RBFOX1: variants seen among roughly 807,000 people sequenced by gnomAD.
The protein encoded by RBFOX1 is RNA binding fox-1 homolog 1.
In RBFOX1, 8 loss-of-function variants were observed where a neutral mutation model predicts 57.7. The observed-to-expected ratio is 0.14, with a 90% CI of 0.08 to 0.25. The LOEUF (loss-of-function observed/expected upper bound fraction) is 0.25, where lower values mean the gene tolerates loss of function less well. Ranked by LOEUF, RBFOX1 falls within the 10% of genes least tolerant of loss-of-function variation. RBFOX1 has a pLI of 1.00. For synonymous variants in RBFOX1, 326 were observed against 222.4 expected (o/e 1.47, Z -4.15); for missense variants, 611 against 548.5 (o/e 1.11, Z -1.14).
At chr16:7,388,963 A>G (rs1044141135) in intron 4 of RBFOX1, among the ~76,000 whole-genome samples, 4 of 152,110 alleles carry the variant, frequency 2.6e-5, no homozygotes, top group Non-Finnish European at 4.4e-5. Flanking sequence ...AGAGCTTAAT[A>G]GAGTGCCTAA....
At chr16:7,227,250 T>G (rs1269821782) in intron 4 of RBFOX1, among the ~76,000 whole-genome samples, 3 of 150,838 alleles carry the variant, frequency 2.0e-5, no homozygotes, top group Admixed American at 1.3e-4. Context: ...TGTATATCTC[T>G]CTCTGTTCTC....
chr16:7,577,062 G>T (rs1407387116), intron 5 of RBFOX1, among the ~76,000 whole-genome samples: 1 of 152,194 alleles, frequency 6.6e-6, no homozygotes, highest in Non-Finnish European at 1.5e-5. Flanking sequence ...GGGTTTCAGT[G>T]TTACAGTGTT....
At chr16:6,084,720 T>G (rs993936245) in intron 1 of RBFOX1, among the ~76,000 whole-genome samples, 1 of 152,122 alleles carries the variant, frequency 6.6e-6, no homozygotes, top group Admixed American at 6.5e-5. Flanking sequence ...AGGTCAGGCA[T>G]TCTAGGGTAT....
At chr16:7,077,793 A>T (rs2058537570) in intron 4 of RBFOX1, among the ~76,000 whole-genome samples, 1 of 152,196 alleles carries the variant, frequency 6.6e-6, no homozygotes, top group Non-Finnish European at 1.5e-5. Context: ...TACTTAAATG[A>T]GGTTTTGATA....
At chr16:6,935,933 C>T (rs58371891) in intron 3 of RBFOX1, among the ~76,000 whole-genome samples, 19,973 of 152,206 alleles carry the variant, frequency 0.13, 1,360 homozygotes, top group East Asian at 0.23. Context: ...GGGGACCAAT[C>T]TGTGCCGATG....
rs375145605 is a variant in RBFOX1, at chr16:6,417,541, C to A, written c.-64+100484C>A. On this transcript the variant is annotated intron_variant, in intron 2 of 15. Coordinates refer to ENST00000550418, the MANE Select transcript of RBFOX1 (RefSeq NM_018723.4). ...AATAGCTGGGATTACAGGCGCCCAC[C>A]ACCATGCCTGGCTAGTTTTTATATA... Among the ~76,000 whole-genome samples, 12 of 151,152 alleles carry A rather than the reference C, an allele frequency of 7.9e-5. No individual in the cohort carries two copies. In the East Asian group the frequency reaches 2.2e-3, roughly 27 times the overall value.
At chr16:5,417,657 G>T (rs1323115219) in intron 1 of RBFOX1, among the ~76,000 whole-genome samples, 1 of 152,200 alleles carries the variant, frequency 6.6e-6, no homozygotes, top group Non-Finnish European at 1.5e-5. Flanking sequence ...GTTGGATCTG[G>T]GGAAGGCCTG....
chr16:6,425,889 G>A (rs764605427), intron 2 of RBFOX1, among the ~76,000 whole-genome samples: 14 of 152,018 alleles, frequency 9.2e-5, no homozygotes, highest in African/African-American at 2.7e-4. Context: ...GTACAATTCC[G>A]TGGTATTTAG....
chr16:5,575,581 T>G (rs1194062480), intron 2 of RBFOX1, among the ~76,000 whole-genome samples: 3 of 152,150 alleles, frequency 2.0e-5, no homozygotes, highest in Non-Finnish European at 4.4e-5. Flanking sequence ...TGAACACACA[T>G]CCCATGCCAG....
At chr16:6,594,001 C>A (rs923606612) in intron 2 of RBFOX1, among the ~76,000 whole-genome samples, 1 of 152,148 alleles carries the variant, frequency 6.6e-6, no homozygotes, top group African/African-American at 2.4e-5. Context: ...CTCCCTCCGC[C>A]CAGTGTTACA....
At chr16:7,481,077 G>C (rs1032332442) in intron 4 of RBFOX1, among the ~76,000 whole-genome samples, 2 of 152,028 alleles carry the variant, frequency 1.3e-5, no homozygotes, top group Non-Finnish European at 1.5e-5. Flanking sequence ...TCTTCCTATT[G>C]CTCCTTACAT....
chr16:7,381,924 C>A (rs2097787718), intron 4 of RBFOX1, among the ~76,000 whole-genome samples: 1 of 152,148 alleles, frequency 6.6e-6, no homozygotes, highest in Non-Finnish European at 1.5e-5. Flanking sequence ...ACTGTGATGC[C>A]CAAAGATGTC....
intron 4 of RBFOX1, among the ~76,000 whole-genome samples, chr16:5,882,207 G>C: frequency 6.6e-6 from 1 of 151,810 alleles, no homozygotes; most frequent in East Asian, 1.9e-4. Context: ...TTTCCACTTT[G>C]TTTACCGTTC....
At chr16:6,191,129 G>GT (rs5815289) in intron 1 of RBFOX1, among the ~76,000 whole-genome samples, 16 of 133,924 alleles carry the variant, frequency 1.2e-4, no homozygotes, top group African/African-American at 1.9e-4. Flanking sequence ...TGCGTCTGTG[G>GT]TTTTTTTTTT....
chr16:6,568,838 G>A (rs537295867), intron 2 of RBFOX1, among the ~76,000 whole-genome samples: 19 of 152,050 alleles, frequency 1.2e-4, no homozygotes, highest in Non-Finnish European at 2.6e-4. Flanking sequence ...GCGCGATCTC[G>A]GCTCACTGCA....
At chr16:6,060,832 A>G (rs761001862) in intron 1 of RBFOX1, among the ~76,000 whole-genome samples, 8 of 152,214 alleles carry the variant, frequency 5.3e-5, no homozygotes, top group Non-Finnish European at 1.0e-4. Context: ...AGCAGAGATT[A>G]CACTGTTTTT....
At chr16:7,375,840 T>C (rs2097676447) in intron 4 of RBFOX1, among the ~76,000 whole-genome samples, 1 of 152,214 alleles carries the variant, frequency 6.6e-6, no homozygotes, top group Non-Finnish European at 1.5e-5. Flanking sequence ...GCAATAATTT[T>C]ATTATTTGGT....
chr16:7,013,264 G>T (rs966939908), intron 3 of RBFOX1, among the ~76,000 whole-genome samples: 1 of 152,082 alleles, frequency 6.6e-6, no homozygotes, highest in Non-Finnish European at 1.5e-5. Flanking sequence ...TACTCACATA[G>T]GACTGCTGAG....
intron 3 of RBFOX1, among the ~76,000 whole-genome samples, chr16:6,797,725 C>G (rs1000962421): frequency 3.9e-5 from 6 of 152,042 alleles, no homozygotes; most frequent in African/African-American, 9.7e-5. Flanking sequence ...TCTGGTGTTT[C>G]CAAACCACGT....
Sources: gnomAD v4.1 joint callset for allele counts (sites outside exome capture counted in the v4.1 genomes callset) on GRCh38, gnomAD v4.1.1 for gene constraint, MANE v1.5 for transcripts, NCBI Gene and HGNC (gene_info 2026-07-23, HGNC 2026-07-21) for gene names.